The following MORN4 variants were observed in gnomAD, a reference collection of about 807,000 sequenced individuals.
The protein encoded by MORN4 is MORN repeat-containing protein 4.
Under a neutral mutation model 16.4 loss-of-function variants are expected in MORN4, and 8 were observed. The ratio of observed to expected loss-of-function variants is 0.49; its 90% CI spans 0.29 to 0.88. The LOEUF is 0.88. Ranked by LOEUF, MORN4 falls within the 40% of genes least tolerant of loss-of-function variation. The probability of loss-of-function intolerance (pLI) is 0.09; values close to 1 mark genes in which losing one functional copy is unlikely to be tolerated. For missense variants in MORN4, 159 were observed against 182.9 expected, an observed-to-expected ratio of 0.87 and a Z score of 0.75; for synonymous variants, 53 against 68.9, an observed-to-expected ratio of 0.77 and a Z score of 1.14.
chr10:97,619,471 G>T, intron 2 of MORN4, 116 bp downstream of exon 2: 1 of 791,808 alleles, frequency 1.3e-6, no homozygotes. Context: ...GCACTATATG[G>T]AATTAAATCC....
chr10:97,618,037 A>G (rs1041475452), intron 2 of MORN4, among the ~76,000 whole-genome samples: 2 of 149,710 alleles, frequency 1.3e-5, no homozygotes, highest in Admixed American at 1.3e-4. Flanking sequence ...TTAGCCGGGC[A>G]TGGTGGTGGC....
At chr10:97,624,357 C>T (rs948074099) in intron 1 of MORN4, among the ~76,000 whole-genome samples, 2 of 152,154 alleles carry the variant, frequency 1.3e-5, no homozygotes, top group African/African-American at 4.8e-5. Flanking sequence ...GTCTGAAATA[C>T]CTTTATAACA....
chr10:97,632,932 G>A (rs553062440), intron 1 of MORN4, among the ~76,000 whole-genome samples: 125 of 152,210 alleles, frequency 8.2e-4, no homozygotes, highest in African/African-American at 2.8e-3. Flanking sequence ...ATATGTGGGA[G>A]TTCTCTCCAC....
upstream of MORN4, chr10:97,633,557 T>C (rs765278564): frequency 3.1e-6 from 4 of 1,289,850 alleles, no homozygotes; most frequent in South Asian, 4.9e-5. This position sits in a 1 kb window ranked among gnomAD's most constrained non-coding sequence, Gnocchi z 4.5. Context: ...GCAACGCCAC[T>C]CCGCATTGGC....
At chr10:97,619,713 G>T in intron 1 of MORN4, 30 bp from the exon 2 acceptor site, 5 of 1,563,156 alleles carry the variant, frequency 3.2e-6, no homozygotes, top group Non-Finnish European at 4.4e-6. Context: ...GAGAACCAGT[G>T]TCATGGAATG....
At chr10:97,627,351 C>T (rs2041357706) in intron 1 of MORN4, among the ~76,000 whole-genome samples, 1 of 152,066 alleles carries the variant, frequency 6.6e-6, no homozygotes, top group Admixed American at 6.6e-5. Context: ...ACCATGTTGG[C>T]CAGGCTGGTC....
chr10:97,614,860 A>G lies in MORN4; in HGVS notation c.*1403T>C, dbSNP rs146236645. 569 of 152,484 alleles carry G rather than the reference A, an allele frequency of 3.7e-3. 3 individuals carry two copies. The highest frequency in any genetic ancestry group is 4.8e-3 in the Non-Finnish European group (328 of 68,036). 9.4% of individuals were successfully genotyped at this position (152,484 alleles called of 1,614,324 possible). A position where few individuals can be genotyped will look rare whatever the true frequency, so the allele number is the denominator to read the frequency against. ...TCCCCACAGTCCTAGAGTAGGTCCA[A>G]TTCTACCAAAACCCCAGGGGTTCGG... is the stretch of plus-strand genomic sequence containing the variant. On this transcript the variant is annotated 3_prime_UTR_variant, in exon 5 of 5. Transcript: ENST00000307450.
chr10:97,616,609 A>G, intron 4 of MORN4, 69 bp downstream of exon 4: 2 of 1,382,196 alleles, frequency 1.4e-6, no homozygotes, highest in Non-Finnish European at 2.1e-6. Flanking sequence ...CAGGATTAAA[A>G]CTAAACAGGT....
Position 97,633,487 on chromosome 10 carries a change from T to G in MORN4, c.-171A>C. ...ATTGCCCCACTTGACGCCGCCATCC[T>G]GGGCGACCGCACTGGGTACAATTCC... On this transcript the variant is annotated 5_prime_UTR_variant, in exon 1 of 5. Coordinates refer to ENST00000307450, the MANE Select transcript of MORN4 (RefSeq NM_178832.4). This position sits in a 1 kb window ranked among gnomAD's most constrained non-coding sequence, Gnocchi z 4.5. The G allele has an allele frequency of 7.8e-7, 1 of 1,289,864 alleles. No individual in the cohort carries two copies. The highest frequency in any genetic ancestry group is 1.2e-5 in the South Asian group (1 of 81,034). The allele number at this position is 1,289,864 out of a possible 1,614,324, so 79.9% of individuals were successfully genotyped here.
At chr10:97,619,745 G>T in intron 1 of MORN4, 62 bp from the exon 2 acceptor site, 3 of 1,356,824 alleles carry the variant, frequency 2.2e-6, no homozygotes, top group Non-Finnish European at 2.1e-6. Context: ...GGACTGCAAG[G>T]CAATTTTATA....
At chr10:97,626,395 AATC>A (rs750849222) in intron 1 of MORN4, among the ~76,000 whole-genome samples, 37 of 22,192 alleles carry the variant, frequency 1.7e-3, no homozygotes, top group Non-Finnish European at 2.6e-3. Flanking sequence ...TAATAATAAT[AATC>A]ATAATCATAA....
chr10:97,616,152 G>T lies in MORN4; in HGVS notation c.*111C>A. ...GTGACAGGGCACATACAAGGCCTCT[G>T]CTCCACTGTCATTGTCAACTCATCT... is the stretch of plus-strand genomic sequence containing the variant. On this transcript the variant is annotated 3_prime_UTR_variant, in exon 5 of 5. Coordinates refer to ENST00000307450, the MANE Select transcript of MORN4 (RefSeq NM_178832.4). 8.5e-7 allele frequency: 1 copy of T among 1,177,640 alleles called. No individual in the cohort carries two copies. Among genetic ancestry groups the T allele is most frequent in the Non-Finnish European group, 1.2e-6 (1 of 861,664 alleles). 72.9% of individuals were successfully genotyped at this position (1,177,640 alleles called of 1,614,324 possible). A position where few individuals can be genotyped will look rare whatever the true frequency, so the allele number is the denominator to read the frequency against.
intron 1 of MORN4, among the ~76,000 whole-genome samples, chr10:97,620,464 G>C (rs1399587877): frequency 7.1e-6 from 1 of 141,334 alleles, no homozygotes; most frequent in African/African-American, 2.7e-5. Context: ...ACTCCAGCCT[G>C]GGTGACGGAG....
intron 1 of MORN4, among the ~76,000 whole-genome samples, chr10:97,622,028 C>T (rs1280135581): frequency 1.3e-5 from 2 of 152,178 alleles, no homozygotes; most frequent in African/African-American, 4.8e-5. Flanking sequence ...ACCTGTTCTG[C>T]CCCCATGTAA....
rs1240794109 is a variant in MORN4, at chr10:97,619,587, C to T, written c.67G>A (p.Gly23Ser). The change falls in exon 2 of 5, where the codon GGC becomes AGC. Residue 23 changes from glycine to serine, a missense_variant and splice_region_variant. Gly to Ser is a moderately conservative substitution (Grantham distance 56). Transcript: ENST00000307450. ...GATACTCCCCAGGGGTCCTTCTCAC[C>T]CTCCTTCCACTCGCCACGATATTCC... ...GEEYRGEWKE[G>S]RRHGFGQLMF... 6.2e-6 allele frequency: 10 copies of T among 1,612,112 alleles called. No individual in the cohort carries two copies. The highest frequency in any genetic ancestry group is 5.5e-5 in the South Asian group (5 of 91,036).
chr10:97,616,384 T>A lies in MORN4; in HGVS notation c.320A>T (p.His107Leu). ...FGLLTFPDGSHGIPRNEGLFE... is the reference protein window; with the variant it reads ...FGLLTFPDGSLGIPRNEGLFE... Reference sequence around the variant, plus strand: ...GAGACCTTCATTGCGGGGGATTCCATGAGAACCATCAGGGAAAGTCAGCAG... The same window carrying A: ...GAGACCTTCATTGCGGGGGATTCCAAGAGAACCATCAGGGAAAGTCAGCAG... The change falls in exon 5 of 5, where the codon CAT becomes CTT. Residue 107 changes from histidine to leucine, a missense_variant. Coordinates refer to ENST00000307450, the MANE Select transcript of MORN4 (RefSeq NM_178832.4). The A allele has an allele frequency of 6.2e-7, 1 of 1,609,612 alleles. No homozygotes were observed. Among genetic ancestry groups the A allele is most frequent in the Non-Finnish European group, 8.5e-7 (1 of 1,178,094 alleles).
upstream of MORN4, among the ~76,000 whole-genome samples, chr10:97,634,051 G>T (rs1245307677): frequency 3.3e-5 from 5 of 152,156 alleles, no homozygotes; most frequent in Non-Finnish European, 7.3e-5. Context: ...CACTTCGGGA[G>T]GCCGCGGCTT....
chr10:97,623,861 G>A (rs944450471), intron 1 of MORN4, among the ~76,000 whole-genome samples: 4 of 151,368 alleles, frequency 2.6e-5, no homozygotes, highest in South Asian at 2.1e-4. Flanking sequence ...TCAGCCTCCC[G>A]AGTAGCTGGG....
rs1345323486 is a variant in MORN4, at chr10:97,615,227, T to C, written c.*1036A>G. On this transcript the variant is annotated 3_prime_UTR_variant, in exon 5 of 5. Coordinates refer to ENST00000307450, the MANE Select transcript of MORN4 (RefSeq NM_178832.4). ...ACATAGGCAGGAATGAATACCAGTCTGATCAGACCAAGTGGAAGCCTGCAG... is the reference window on the plus strand; with the variant it reads ...ACATAGGCAGGAATGAATACCAGTCCGATCAGACCAAGTGGAAGCCTGCAG... 6.6e-6 allele frequency: 1 copy of C among 152,522 alleles called. No homozygotes were observed. The highest frequency in any genetic ancestry group is 1.5e-5 in the Non-Finnish European group (1 of 68,074). The allele number at this position is 152,522 out of a possible 1,614,324, so 9.4% of individuals were successfully genotyped here.
Sources: allele counts gnomAD v4.1 joint callset (sites outside exome capture counted in the v4.1 genomes callset), GRCh38; gene constraint gnomAD v4.1.1; non-coding constraint Gnocchi (gnomAD v3.1); transcripts MANE v1.5; gene names NCBI Gene and HGNC (gene_info 2026-07-23, HGNC 2026-07-21).